Variants in OXNAD1 observed in about 807,000 individuals in gnomAD.
The protein encoded by OXNAD1 is oxidoreductase NAD binding domain containing 1.
A neutral mutation model predicts 32.9 loss-of-function variants in OXNAD1; 34 were observed. That is an observed-to-expected ratio of 1.03 (90% confidence interval 0.79 to 1.38). The LOEUF is 1.38. OXNAD1 is among the 40% of genes most tolerant of loss of function. OXNAD1 has a pLI of 0.00. For missense variants in OXNAD1, 407 were observed against 379.4 expected (o/e 1.07, Z -0.60); for synonymous variants, 134 against 135.2 (o/e 0.99, Z 0.06).
At chr3:16,307,575 A>G (rs1002415803), downstream of OXNAD1, among the ~76,000 whole-genome samples, 4 of 152,180 alleles carry the variant, frequency 2.6e-5, no homozygotes, top group Admixed American at 1.3e-4. Context: ...ACAGTGAAAT[A>G]GGTTTAGGAG....
rs2064461715 is a variant in OXNAD1 at position 16,265,895 on chromosome 3, G to A, written c.-159+390G>A. 4 of 985,230 alleles carry A rather than the reference G, an allele frequency of 4.1e-6. No individual in the cohort carries two copies. The highest frequency in any genetic ancestry group is 4.8e-6 in the Non-Finnish European group (4 of 829,844). The allele number at this position is 985,230 out of a possible 1,614,324, so 61.0% of individuals were successfully genotyped here. On this transcript the variant is annotated intron_variant, in intron 1 of 8. Transcript: ENST00000285083. This position sits in a 1 kb window ranked among gnomAD's most constrained non-coding sequence, Gnocchi z 4.8. ...GTTTTTTCGTTGTGAAAGAAATGGT[G>A]TCAGTAGGCAGGTTTATCAGTGTGA...
chr3:16,282,604 A>C (rs972354098), intron 4 of OXNAD1, among the ~76,000 whole-genome samples: 15 of 152,098 alleles, frequency 9.9e-5, no homozygotes, highest in African/African-American at 1.4e-4. Flanking sequence ...GACCTCAGGC[A>C]GGGGGTGTTA....
rs933801351 is a variant in OXNAD1, at chr3:16,290,912, T to C, written c.291-3944T>C. Among the ~76,000 whole-genome samples, 4 of 152,208 alleles carry C rather than the reference T, an allele frequency of 2.6e-5. No individual in the cohort carries two copies. Among genetic ancestry groups the C allele is most frequent in the Non-Finnish European group, 5.9e-5 (4 of 68,032 alleles). On this transcript the variant is annotated intron_variant, in intron 5 of 8. Transcript: ENST00000285083. This position sits in a 1 kb window ranked among gnomAD's most constrained non-coding sequence, Gnocchi z 4.2. Reference sequence around the variant, plus strand: ...AGCAACTGGGGAAGGATGATACTTTTTGCTCTTGTGATGGCTGTGAAACAC... The same window carrying C: ...AGCAACTGGGGAAGGATGATACTTTCTGCTCTTGTGATGGCTGTGAAACAC...
chr3:16,266,609 A>G (rs2064532629), intron 1 of OXNAD1, among the ~76,000 whole-genome samples: 1 of 142,026 alleles, frequency 7.0e-6, no homozygotes, highest in South Asian at 2.2e-4. Context: ...TCTCAAAAAA[A>G]AAAAAAAAAA....
At chr3:16,292,702 A>G (rs576317532) in intron 5 of OXNAD1, among the ~76,000 whole-genome samples, 6 of 152,218 alleles carry the variant, frequency 3.9e-5, no homozygotes, top group African/African-American at 9.6e-5. Context: ...ATTTTTGTAT[A>G]TGTTGTGAAA....
rs540104859 is a variant in OXNAD1, at chr3:16,335,776, TAAA to T, written c.*31-1319_*31-1317del. The stretch of plus-strand genomic sequence containing the variant: ...ATCCTGCACTTGCACCCTGGAACTT[TAAA>T]AAAAAAAAAAAAAAAAGGAGTTTGA... On this transcript the variant is annotated intron_variant, in intron 9 of 9. Coordinates refer to the OXNAD1 transcript ENST00000435829. The surrounding 1 kb of genome is among the most constrained non-coding windows in gnomAD (Gnocchi z 4.7). Among the ~76,000 whole-genome samples, 25,853 of 136,574 alleles carry T rather than the reference TAAA, an allele frequency of 0.19. 2,351 individuals carry two copies. Among genetic ancestry groups the T allele is most frequent in the Middle Eastern group, 0.28 (78 of 278 alleles). 89.6% of individuals were successfully genotyped at this position (136,574 alleles called of 152,430 possible). A position where few individuals can be genotyped will look rare whatever the true frequency, so the allele number is the denominator to read the frequency against.
At chr3:16,326,933 A>G (rs2069762068) in intron 9 of OXNAD1, 6 of 1,312,572 alleles carry the variant, frequency 4.6e-6, no homozygotes, top group Admixed American at 1.8e-5. Context: ...CTCCCAGGCA[A>G]TGAGAGGGGA....
downstream of OXNAD1, among the ~76,000 whole-genome samples, chr3:16,338,576 T>TA (rs1165932353): frequency 4.6e-5 from 7 of 152,160 alleles, no homozygotes; most frequent in Non-Finnish European, 7.4e-5. This position sits in a 1 kb window ranked among gnomAD's most constrained non-coding sequence, Gnocchi z 5.3. Context: ...TGATAACAAT[T>TA]AAAAAAGAAA....
rs748862122 is a variant in OXNAD1 at position 16,302,763 on chromosome 3, GAT to G, written c.784+18_784+19del. On this transcript the variant is annotated intron_variant, in intron 8 of 8. Transcript: ENST00000285083. This position sits in a 1 kb window ranked among gnomAD's most constrained non-coding sequence, Gnocchi z 4.2. Reference sequence around the variant, plus strand: ...ATACATCACGGGTGAGTCCCCTAAAGATATTTTGACTATCTCCATGCAGTTAT... The same window carrying G: ...ATACATCACGGGTGAGTCCCCTAAAGATTTTGACTATCTCCATGCAGTTAT... The G allele has an allele frequency of 6.3e-7, 1 of 1,576,638 alleles. No homozygotes were observed. Among genetic ancestry groups the G allele is most frequent in the South Asian group, 1.1e-5 (1 of 89,504 alleles).
At position 16,282,721 on chromosome 3, in the gene OXNAD1, C is replaced by T. The variant is rs573621343; in HGVS notation, c.184-3621C>T. ...TTTGGGGAAGGGCAGGTGTTAGGTA[C>T]CTTTGAGGACCAGCAGGTTGTCCAG... On this transcript the variant is annotated intron_variant, in intron 4 of 8. Coordinates refer to ENST00000285083, the MANE Select transcript of OXNAD1 (RefSeq NM_138381.5). Among the ~76,000 whole-genome samples the T allele has an allele frequency of 2.0e-5, 3 of 151,226 alleles. No homozygotes were observed. In the South Asian group the frequency reaches 6.3e-4, roughly 32 times the overall value.
rs1038009069 is a variant in OXNAD1 at position 16,277,630 on chromosome 3, T to A, written c.183+5908T>A. On this transcript the variant is annotated intron_variant, in intron 4 of 8. Coordinates refer to ENST00000285083, the MANE Select transcript of OXNAD1 (RefSeq NM_138381.5). The surrounding 1 kb of genome is among the most constrained non-coding windows in gnomAD (Gnocchi z 4.3). Reference sequence around the variant, plus strand: ...ATGTCTCTCAGTGACGAAAGGAAGCTCCAGCTCAGAATTCCTAGCTAAAGG... The same window carrying A: ...ATGTCTCTCAGTGACGAAAGGAAGCACCAGCTCAGAATTCCTAGCTAAAGG... 5.3e-5 allele frequency among the ~76,000 whole-genome samples: 8 copies of A among 152,166 alleles called. No homozygotes were observed. Among genetic ancestry groups the A allele is most frequent in the Admixed American group, 4.6e-4 (7 of 15,278 alleles).
chr3:16,266,285 TACATTTACGTAAC>T lies in OXNAD1; in HGVS notation c.-159+785_-159+797del, dbSNP rs1225102834. On this transcript the variant is annotated intron_variant, in intron 1 of 8. Transcript: ENST00000285083. ...CAGCAATGATATATAACATTTAGTT[TACATTTACGTAAC>T]ACATATACATAATATATCCCTGTGC... Among the ~76,000 whole-genome samples, 4 of 152,352 alleles carry T rather than the reference TACATTTACGTAAC, an allele frequency of 2.6e-5. No individual in the cohort carries two copies. The East Asian group carries it at 5.8e-4, about 22-fold the overall frequency.
rs1022797193 is a variant in OXNAD1 at position 16,321,432 on chromosome 3, G to C, written c.*31-15680G>C. On this transcript the variant is annotated intron_variant, in intron 9 of 9. Transcript: ENST00000435829. The surrounding 1 kb of genome is among the most constrained non-coding windows in gnomAD (Gnocchi z 4.8). ...GAGTGGGGGTGGTCCCAACATCCGG[G>C]CTGCAAGAGCTCAGGCATGATGAGG... Among the ~76,000 whole-genome samples the C allele has an allele frequency of 6.6e-6, 1 of 152,158 alleles. No homozygotes were observed. Among genetic ancestry groups the C allele is most frequent in the African/African-American group, 2.4e-5 (1 of 41,434 alleles).
chr3:16,340,200 TTGACTCTGAGCTGGTTTTG>T (rs2071221922), downstream of OXNAD1, among the ~76,000 whole-genome samples: 1 of 152,240 alleles, frequency 6.6e-6, no homozygotes, highest in South Asian at 2.1e-4. Context: ...TCTCCATCTC[TTGACTCTGAGCTGGTTTTG>T]TGACTTTCTT....
chr3:16,275,106 A>G (rs559649662), intron 4 of OXNAD1: 16 of 169,576 alleles, frequency 9.4e-5, no homozygotes, highest in African/African-American at 3.1e-4. Flanking sequence ...ATCATCTGAC[A>G]TTTTCTTCAG....
intron 9 of OXNAD1, among the ~76,000 whole-genome samples, chr3:16,318,318 C>T (rs56306506): frequency 0.15 from 23,269 of 152,052 alleles, 1,842 homozygotes; most frequent in African/African-American, 0.19. Flanking sequence ...TCACCAAATA[C>T]GCACTTAAAT....
chr3:16,296,244 C>T (rs1375199615), intron 6 of OXNAD1, among the ~76,000 whole-genome samples: 1 of 151,704 alleles, frequency 6.6e-6, no homozygotes, highest in East Asian at 1.9e-4. Context: ...ACTCTCTGGC[C>T]CATCCCCCAA....
At chr3:16,272,340 G>T in intron 4 of OXNAD1, 7 of 232,522 alleles carry the variant, frequency 3.0e-5, no homozygotes, top group Non-Finnish European at 5.3e-5. Context: ...CCCCATTTTT[G>T]TTTAAAAACA....
chr3:16,284,317 A>G lies in OXNAD1; in HGVS notation c.184-2025A>G, dbSNP rs2065938335. Among the ~76,000 whole-genome samples, 1 of 152,246 alleles carries G rather than the reference A, an allele frequency of 6.6e-6. No individual in the cohort carries two copies. The highest frequency in any genetic ancestry group is 2.1e-4 in the South Asian group (1 of 4,834). ...TTAATTAAGACAATGAAATACAGTC[A>G]TGTGTTGCCTGCTGACGGGGATGTT... On this transcript the variant is annotated intron_variant, in intron 4 of 8. Transcript: ENST00000285083. The surrounding 1 kb of genome is among the most constrained non-coding windows in gnomAD (Gnocchi z 4.1).
Sources: allele counts gnomAD v4.1 joint callset (sites outside exome capture counted in the v4.1 genomes callset), GRCh38; gene constraint gnomAD v4.1.1; non-coding constraint Gnocchi (gnomAD v3.1); transcripts MANE v1.5; gene names NCBI Gene and HGNC (gene_info 2026-07-23, HGNC 2026-07-21).